BTBD8: variants seen among roughly 807,000 people sequenced by gnomAD.
BTBD8 encodes BTB domain containing 8.
Under a neutral mutation model 162.9 loss-of-function variants are expected in BTBD8, and 110 were observed. The ratio of observed to expected loss-of-function variants is 0.68; its 90% CI spans 0.58 to 0.79. BTBD8 has a LOEUF of 0.79. Among genes scored for constraint, BTBD8 ranks in the 30% least tolerant of loss-of-function variants. The pLI is 0.00. For synonymous variants in BTBD8, 667 were observed against 716.1 expected, an observed-to-expected ratio of 0.93 and a Z score of 1.10; for missense variants, 1,905 against 2,085.4, an observed-to-expected ratio of 0.91 and a Z score of 1.68.
intron 7 of BTBD8, among the ~76,000 whole-genome samples, chr1:92,145,020 C>T (rs145135414): frequency 4.3e-4 from 65 of 152,146 alleles, no homozygotes; most frequent in African/African-American, 1.4e-3. Flanking sequence ...AGTCAAGTGG[C>T]GGGATCTCAG....
chr1:92,098,648 A>T (rs1226425630), intron 2 of BTBD8, among the ~76,000 whole-genome samples: 1 of 151,946 alleles, frequency 6.6e-6, no homozygotes, highest in African/African-American at 2.4e-5. Context: ...TTGCATTCCC[A>T]TGGTAGCTAA....
At chr1:92,114,011 CAAAAAAAAA>C (rs35277981) in intron 4 of BTBD8, among the ~76,000 whole-genome samples, 1 of 95,000 alleles carries the variant, frequency 1.1e-5, no homozygotes, top group Non-Finnish European at 2.1e-5. Context: ...GACTCCGTCT[CAAAAAAAAA>C]AAAAAAAAAA....
At chr1:92,091,006 C>G (rs926986943) in intron 2 of BTBD8, among the ~76,000 whole-genome samples, 39 of 152,304 alleles carry the variant, frequency 2.6e-4, no homozygotes, top group African/African-American at 9.4e-4. Context: ...GGTGTGATGG[C>G]TAAGAAACCA....
chr1:92,176,924 A>C lies in BTBD8; in HGVS notation c.1731A>C (p.Lys577Asn), dbSNP rs1650730114. 1 of 1,539,212 alleles carries C rather than the reference A, an allele frequency of 6.5e-7. No individual in the cohort carries two copies. The highest frequency in any genetic ancestry group is 2.1e-5 in the Admixed American group (1 of 47,920). The change falls in exon 14 of 18, where the codon AAA (lysine) becomes AAC (asparagine). Residue 577 changes from lysine to asparagine, a missense_variant. Physicochemically the swap from Lys to Asn is moderately conservative, Grantham distance 94. Transcript: ENST00000636805. ...KECWSYLSTN[K>N]KMKSDGLGAS... ...GTTGGAGTTATCTCTCTACTAATAAAAAGATGAAATCTGATGGATTAGGAG... is the reference window on the plus strand; with the variant it reads ...GTTGGAGTTATCTCTCTACTAATAACAAGATGAAATCTGATGGATTAGGAG...
chr1:92,145,528 T>A (rs1649890065), intron 7 of BTBD8, among the ~76,000 whole-genome samples: 1 of 152,178 alleles, frequency 6.6e-6, no homozygotes, highest in Non-Finnish European at 1.5e-5. Context: ...TTCAACCTAA[T>A]TGAGAAATAA....
chr1:92,180,532 C>T lies in BTBD8; in HGVS notation c.2849C>T (p.Thr950Ile). 1 of 1,551,622 alleles carries T rather than the reference C, an allele frequency of 6.4e-7. No homozygotes were observed. Among genetic ancestry groups the T allele is most frequent in the East Asian group, 2.4e-5 (1 of 40,916 alleles). ...CCTCCTGGACAGGTTATATCAAAAA[C>T]TCAGCCTTCCTCCCAAAGACCTTTA... ...KMPPGQVISK[T>I]QPSSQRPLKH... Residue 950 changes from threonine (T) to isoleucine (I), a missense_variant, in exon 17 of 18, where the codon ACT (threonine) becomes ATT (isoleucine). By Grantham distance (89) the Thr-to-Ile change is moderately conservative. Coordinates refer to ENST00000636805, the MANE Select transcript of BTBD8 (RefSeq NM_001376131.1).
intron 2 of BTBD8, among the ~76,000 whole-genome samples, chr1:92,093,279 A>C (rs932989049): frequency 7.2e-6 from 1 of 139,776 alleles, no homozygotes; most frequent in South Asian, 2.2e-4. Context: ...TGCAACCTTC[A>C]CCTCCCAGGT....
At chr1:92,119,110 A>G (rs1292856044) in intron 4 of BTBD8, among the ~76,000 whole-genome samples, 5 of 151,646 alleles carry the variant, frequency 3.3e-5, no homozygotes, top group African/African-American at 1.2e-4. Flanking sequence ...TAGACTTTAT[A>G]AATACTAAGG....
intron 1 of BTBD8, among the ~76,000 whole-genome samples, chr1:92,084,115 G>A (rs112833467): frequency 7.2e-5 from 11 of 152,190 alleles, no homozygotes; most frequent in African/African-American, 2.7e-4. Flanking sequence ...TTACCAACTC[G>A]TGCCAATTTT....
intron 9 of BTBD8, among the ~76,000 whole-genome samples, chr1:92,156,194 T>A (rs1339981294): frequency 6.6e-6 from 1 of 152,218 alleles, no homozygotes; most frequent in Admixed American, 6.5e-5. Flanking sequence ...TTGACTTCTG[T>A]CTATGCTGTT....
chr1:92,084,700 C>T (rs1174940729), intron 1 of BTBD8, among the ~76,000 whole-genome samples: 1 of 152,196 alleles, frequency 6.6e-6, no homozygotes. Context: ...AATAAAAGCC[C>T]ATATCTTGTT....
intron 4 of BTBD8, 66 bp from the exon 5 acceptor site, chr1:92,129,621 A>G (rs1367435805): frequency 1.0e-5 from 13 of 1,285,574 alleles, no homozygotes; most frequent in African/African-American, 8.9e-5. Context: ...GAAAATTTTC[A>G]TAAAAAATTA....
chr1:92,152,652 C>T (rs528520906), intron 9 of BTBD8, among the ~76,000 whole-genome samples: 2 of 151,672 alleles, frequency 1.3e-5, no homozygotes, highest in East Asian at 1.9e-4. Flanking sequence ...ATCTTGTTAA[C>T]GAGTTTGATT....
At chr1:92,102,380 AT>A in intron 2 of BTBD8, 92 bp from the exon 3 acceptor site, 1 of 1,039,576 alleles carries the variant, frequency 9.6e-7, no homozygotes, top group Non-Finnish European at 1.3e-6. Flanking sequence ...GTTTAATATT[AT>A]ATATGAAAGT....
intron 13 of BTBD8, among the ~76,000 whole-genome samples, chr1:92,172,126 T>G (rs1317906980): frequency 1.3e-5 from 2 of 152,082 alleles, no homozygotes; most frequent in African/African-American, 4.8e-5. Flanking sequence ...ACATAATGTA[T>G]TTTTGGTGTT....
intron 2 of BTBD8, among the ~76,000 whole-genome samples, chr1:92,094,659 A>G (rs1648400698): frequency 6.6e-6 from 1 of 152,208 alleles, no homozygotes; most frequent in South Asian, 2.1e-4. Context: ...GCCTCAAATG[A>G]TTGTCAGTGG....
At chr1:92,113,872 C>T (rs966670522) in intron 4 of BTBD8, among the ~76,000 whole-genome samples, 4 of 151,692 alleles carry the variant, frequency 2.6e-5, no homozygotes, top group African/African-American at 7.3e-5. Flanking sequence ...ATTAACCAGG[C>T]GCAGTGGCAT....
At chr1:92,115,273 T>A in intron 4 of BTBD8, 1 of 470,018 alleles carries the variant, frequency 2.1e-6, no homozygotes. Context: ...AGTGATGGCA[T>A]GGACTGTGAT....
chr1:92,092,371 G>A (rs1386269215), intron 2 of BTBD8, among the ~76,000 whole-genome samples: 1 of 148,140 alleles, frequency 6.8e-6, no homozygotes, highest in African/African-American at 2.5e-5. Flanking sequence ...GCACCAGCGT[G>A]GGCCTCAGAG....
Sources: allele counts gnomAD v4.1 joint callset (sites outside exome capture counted in the v4.1 genomes callset), GRCh38; gene constraint gnomAD v4.1.1; transcripts MANE v1.5; gene names NCBI Gene and HGNC (gene_info 2026-07-23, HGNC 2026-07-21).